Variants in PLEKHH1 observed in about 807,000 individuals in gnomAD.
PLEKHH1 encodes the protein pleckstrin homology, MyTH4 and FERM domain containing H1.
In PLEKHH1, 104 loss-of-function variants were observed where a neutral mutation model predicts 160.0. That is an observed-to-expected ratio of 0.65 (90% CI 0.55 to 0.76). PLEKHH1 has a LOEUF of 0.76. PLEKHH1 is among the 30% of genes least tolerant of loss of function. The pLI is 0.00. For synonymous variants in PLEKHH1, 619 were observed against 678.4 expected, an observed-to-expected ratio of 0.91 and a Z score of 1.36; for missense variants, 1,427 against 1,724.1, an observed-to-expected ratio of 0.83 and a Z score of 3.05.
chr14:67,549,719 A>G (rs2034320549), intron 2 of PLEKHH1, among the ~76,000 whole-genome samples: 1 of 152,224 alleles, frequency 6.6e-6, no homozygotes, highest in Non-Finnish European at 1.5e-5. Flanking sequence ...TCCAGGCTGC[A>G]TCCCTGAAGG....
At chr14:67,570,394 A>G (rs568253196) in intron 9 of PLEKHH1, 312 of 483,680 alleles carry the variant, frequency 6.5e-4, no homozygotes, top group Non-Finnish European at 8.1e-4. Context: ...CAAAAATCAG[A>G]TAGAATTGCA....
At chr14:67,560,696 A>G in intron 5 of PLEKHH1, among the ~76,000 whole-genome samples, 1 of 151,670 alleles carries the variant, frequency 6.6e-6, no homozygotes, top group South Asian at 2.1e-4. Context: ...AAGGAGTGGG[A>G]ATTGCAGTTT....
chr14:67,552,766 CA>C (rs34079106), intron 2 of PLEKHH1, among the ~76,000 whole-genome samples: 7 of 141,488 alleles, frequency 4.9e-5, no homozygotes, highest in Non-Finnish European at 4.6e-5. Context: ...GACTCTGTCT[CA>C]AAAAAAAAAA....
intron 2 of PLEKHH1, among the ~76,000 whole-genome samples, chr14:67,550,158 T>TAAAATA (rs2034339243): frequency 6.9e-6 from 1 of 145,206 alleles, no homozygotes; most frequent in Non-Finnish European, 1.5e-5. Flanking sequence ...GATCTGTTGC[T>TAAAATA]AAAAAAAAAA....
intron 2 of PLEKHH1, among the ~76,000 whole-genome samples, chr14:67,553,336 G>T (rs777659018): frequency 6.6e-6 from 1 of 151,968 alleles, no homozygotes; most frequent in Non-Finnish European, 1.5e-5. Context: ...AAAAGAAAAT[G>T]CTCCTCATCA....
Position 67,573,898 on chromosome 14 carries a change from T to C in PLEKHH1, c.1926+11T>C. On this transcript the variant is annotated intron_variant, in intron 13 of 28. Coordinates refer to ENST00000329153, the MANE Select transcript of PLEKHH1 (RefSeq NM_020715.3). This position sits in a 1 kb window ranked among gnomAD's most constrained non-coding sequence, Gnocchi z 4.8. ...TCACAGACGTTTCAGGTGAGCACGC[T>C]CCTGGCTGCTAGTATTTTAAACAGA... 1 of 1,589,926 alleles carries C rather than the reference T, an allele frequency of 6.3e-7. No individual in the cohort carries two copies. Among genetic ancestry groups the C allele is most frequent in the Non-Finnish European group, 8.6e-7 (1 of 1,157,890 alleles).
At chr14:67,539,623 C>T (rs893636427) in intron 1 of PLEKHH1, among the ~76,000 whole-genome samples, 6 of 152,086 alleles carry the variant, frequency 3.9e-5, no homozygotes, top group Admixed American at 2.0e-4. Context: ...ATCCTAGAAA[C>T]GATTTCTGCC....
chr14:67,567,233 C>G (rs2035145328), intron 7 of PLEKHH1, among the ~76,000 whole-genome samples: 2 of 152,154 alleles, frequency 1.3e-5, no homozygotes, highest in Admixed American at 1.3e-4. Context: ...CAGTAACCAT[C>G]TGGGGAGGGC....
chr14:67,560,053 G>T (rs1485569041), intron 5 of PLEKHH1, among the ~76,000 whole-genome samples: 1 of 152,142 alleles, frequency 6.6e-6, no homozygotes, highest in East Asian at 1.9e-4. Context: ...TGGAGACAGA[G>T]TCTCGCTCTC....
At position 67,574,400 on chromosome 14, in the gene PLEKHH1, C is replaced by A. The variant is rs756350248; in HGVS notation, c.2085C>A (p.Thr695=). ...GTKPTVKGWL[T]KVKHGHSKVV... ...AGCCCACCGTGAAGGGCTGGCTGAC[C>A]AAGGTAGAGGGTGGGGCTGATAGGG... The change falls in exon 14 of 29, where the codon ACC becomes ACA. Residue 695 remains threonine, a synonymous_variant. Coordinates refer to ENST00000329153, the MANE Select transcript of PLEKHH1 (RefSeq NM_020715.3). This position sits in a 1 kb window ranked among gnomAD's most constrained non-coding sequence, Gnocchi z 4.2. The A allele has an allele frequency of 6.4e-6, 10 of 1,562,210 alleles. No individual in the cohort carries two copies. Among genetic ancestry groups the A allele is most frequent in the Non-Finnish European group, 7.8e-6 (9 of 1,155,296 alleles).
chr14:67,579,467 A>T, intron 21 of PLEKHH1, 156 bp downstream of exon 21: 1 of 708,888 alleles, frequency 1.4e-6, no homozygotes, highest in Non-Finnish European at 2.3e-6. Context: ...TGAGATGCTG[A>T]CCAAGAAATA....
intron 1 of PLEKHH1, among the ~76,000 whole-genome samples, chr14:67,535,528 T>C (rs1036389042): frequency 6.6e-6 from 1 of 151,890 alleles, no homozygotes; most frequent in African/African-American, 2.4e-5. Flanking sequence ...TTAACAGGCA[T>C]GCGCCACCAC....
chr14:67,577,887 G>T, intron 18 of PLEKHH1, 136 bp from the exon 19 acceptor site: 1 of 705,476 alleles, frequency 1.4e-6, no homozygotes, highest in Non-Finnish European at 2.4e-6. Context: ...CCCTCCAACA[G>T]TAGCAGTGCT....
chr14:67,581,274 GCACACACA>G (rs71129838), intron 23 of PLEKHH1, among the ~76,000 whole-genome samples: 2 of 148,000 alleles, frequency 1.4e-5, no homozygotes, highest in African/African-American at 5.0e-5. Context: ...GTGTGTATAT[GCACACACA>G]CACACACACA....
rs2035962887 is a variant in PLEKHH1, at chr14:67,582,713, TG to T, written c.3426+504del. Among the ~76,000 whole-genome samples the T allele has an allele frequency of 6.6e-6, 1 of 152,062 alleles. No individual in the cohort carries two copies. Among genetic ancestry groups the T allele is most frequent in the South Asian group, 2.1e-4 (1 of 4,808 alleles). On this transcript the variant is annotated intron_variant, in intron 24 of 28. Coordinates refer to ENST00000329153, the MANE Select transcript of PLEKHH1 (RefSeq NM_020715.3). This position sits in a 1 kb window ranked among gnomAD's most constrained non-coding sequence, Gnocchi z 5.0. ...TTAGCTGGGTGTGGTGGTGGGCGCC[TG>T]TAATCCCAGCTACTCGGCAGGCTGA...
In PLEKHH1 at chr14:67,578,007, T is replaced by G. The variant is rs2035707063; in HGVS notation, c.2575-16T>G. 8.1e-6 allele frequency: 13 copies of G among 1,610,780 alleles called. No individual in the cohort carries two copies. The highest frequency in any genetic ancestry group is 1.1e-5 in the Non-Finnish European group (13 of 1,178,374). On this transcript the variant is annotated splice_polypyrimidine_tract_variant and intron_variant, in intron 18 of 28. Transcript: ENST00000329153. This position sits in a 1 kb window ranked among gnomAD's most constrained non-coding sequence, Gnocchi z 5.0. ...GGGATGCTGGTCTGCCTGTGCTCAC[T>G]GCTGTTCCCTCCCAGTCCTGCCAGC...
At chr14:67,575,364 A>G in intron 14 of PLEKHH1, 28 bp from the exon 15 acceptor site, 1 of 1,424,166 alleles carries the variant, frequency 7.0e-7, no homozygotes, top group Non-Finnish European at 9.8e-7. Flanking sequence ...CCTAGTTCTC[A>G]TAATGCCAGT....
Position 67,576,437 on chromosome 14 carries a change from A to G in PLEKHH1, c.2395A>G (p.Ser799Gly). The change falls in exon 17 of 29, where the codon AGT becomes GGT. Residue 799 changes from serine to glycine, a missense_variant. Coordinates refer to ENST00000329153, the MANE Select transcript of PLEKHH1 (RefSeq NM_020715.3). The surrounding 1 kb of genome is among the most constrained non-coding windows in gnomAD (Gnocchi z 4.0). ...CCTCACAGTGGCTGCAGGTGGCAGC[A>G]GTGCCAAGGTGGGCACTGCCTATGA... is the stretch of plus-strand genomic sequence containing the variant. ...YHLTVAAGGS[S>G]AKVGTAYEQL... The G allele has an allele frequency of 1.2e-6, 2 of 1,610,964 alleles. No individual in the cohort carries two copies. Among genetic ancestry groups the G allele is most frequent in the Non-Finnish European group, 8.5e-7 (1 of 1,177,236 alleles).
At chr14:67,561,747 A>G (rs1047427779) in intron 5 of PLEKHH1, among the ~76,000 whole-genome samples, 2 of 146,864 alleles carry the variant, frequency 1.4e-5, no homozygotes, top group Non-Finnish European at 3.0e-5. Context: ...GTGTGTGTCT[A>G]TGGTCCCAGC....
Sources: gnomAD v4.1 joint callset for allele counts (sites outside exome capture counted in the v4.1 genomes callset) on GRCh38, gnomAD v4.1.1 for gene constraint, Gnocchi (gnomAD v3.1) non-coding constraint, MANE v1.5 for transcripts, NCBI Gene and HGNC (gene_info 2026-07-23, HGNC 2026-07-21) for gene names.